The following RAD51 variants were observed in gnomAD, a reference collection of about 807,000 sequenced individuals.
RAD51 encodes DNA repair protein RAD51 homolog 1.
A neutral mutation model predicts 41.5 loss-of-function variants in RAD51; 14 were observed. That is an observed-to-expected ratio of 0.34 (90% CI 0.22 to 0.53). RAD51 has a LOEUF of 0.53. RAD51 is among the 20% of genes least tolerant of loss of function. The pLI is 0.95. For synonymous variants in RAD51, 136 were observed against 148.6 expected (o/e 0.92, Z 0.62); for missense variants, 234 against 422.0 (o/e 0.55, Z 3.90).
At chr15:40,728,863 A>G (rs569512886) in intron 7 of RAD51, 39 bp downstream of exon 7, 5 of 1,523,576 alleles carry the variant, frequency 3.3e-6, no homozygotes, top group Non-Finnish European at 4.6e-6. Flanking sequence ...TGTTCTTAAG[A>G]GTCCTTCCCT....
chr15:40,694,989 A>C (rs1894514878), upstream of RAD51: 1 of 152,288 alleles, frequency 6.6e-6, no homozygotes, highest in Non-Finnish European at 1.5e-5. Flanking sequence ...CGCCCCCGGC[A>C]TAAAGTTTGA....
At chr15:40,730,647 G>A (rs1006719490) in intron 9 of RAD51, among the ~76,000 whole-genome samples, 3 of 144,764 alleles carry the variant, frequency 2.1e-5, no homozygotes, top group South Asian at 2.3e-4. Flanking sequence ...TCAGCCTCCC[G>A]AATAGCTGGG....
intron 9 of RAD51, 116 bp downstream of exon 9, chr15:40,730,090 G>A (rs1896791164): frequency 1.4e-6 from 2 of 1,395,864 alleles, no homozygotes; most frequent in South Asian, 2.4e-5. Context: ...TAGACACTTA[G>A]GAACTCTTGC....
chr15:40,707,801 A>G (rs897534244), intron 4 of RAD51, among the ~76,000 whole-genome samples: 1 of 151,502 alleles, frequency 6.6e-6, no homozygotes, highest in Non-Finnish European at 1.5e-5. Flanking sequence ...CATTGCAACC[A>G]CTGACTCCCA....
intron 5 of RAD51, among the ~76,000 whole-genome samples, chr15:40,712,877 C>CTTT (rs398039433): frequency 0.12 from 11,958 of 103,700 alleles, 1,214 homozygotes; most frequent in African/African-American, 0.23. Context: ...CTTTTCTTTT[C>CTTT]TTTTTTTTTT....
At chr15:40,707,676 G>A (rs979588989) in intron 4 of RAD51, among the ~76,000 whole-genome samples, 2 of 152,056 alleles carry the variant, frequency 1.3e-5, no homozygotes, top group African/African-American at 4.8e-5. Context: ...CAGAAGGCTA[G>A]GTGCATAGAA....
At chr15:40,695,835 A>G (rs1327266034) in intron 1 of RAD51, 2 of 152,176 alleles carry the variant, frequency 1.3e-5, no homozygotes, top group African/African-American at 2.4e-5. Flanking sequence ...AAAACCATTC[A>G]CATGATGCCT....
At chr15:40,722,299 G>A (rs563813947) in intron 6 of RAD51, among the ~76,000 whole-genome samples, 16 of 152,100 alleles carry the variant, frequency 1.1e-4, no homozygotes, top group African/African-American at 3.9e-4. Flanking sequence ...TGTAATCCCA[G>A]CTACTCTGGC....
chr15:40,726,219 T>C (rs919513607), intron 6 of RAD51, among the ~76,000 whole-genome samples: 4 of 151,026 alleles, frequency 2.6e-5, no homozygotes, highest in African/African-American at 7.3e-5. Flanking sequence ...TTGTAATTCA[T>C]TGAGTCTAGG....
At chr15:40,702,311 A>G (rs1206115535) in intron 3 of RAD51, among the ~76,000 whole-genome samples, 1 of 152,132 alleles carries the variant, frequency 6.6e-6, no homozygotes, top group Non-Finnish European at 1.5e-5. Flanking sequence ...TTGTGAATGA[A>G]CAAATGCTGA....
At chr15:40,725,510 G>A (rs45532539) in intron 6 of RAD51, among the ~76,000 whole-genome samples, 52 of 152,104 alleles carry the variant, frequency 3.4e-4, no homozygotes, top group African/African-American at 1.1e-3. Context: ...AATTTTTGCC[G>A]TGCCCTGTTG....
Position 40,705,418 on chromosome 15 carries a change from T to C in RAD51, c.226-759T>C, listed in dbSNP as rs148610303. 3.1e-3 allele frequency among the ~76,000 whole-genome samples: 474 copies of C among 152,192 alleles called. 2 individuals are homozygous for C. Among genetic ancestry groups the C allele is most frequent in the African/African-American group, 0.011 (461 of 41,526 alleles). On this transcript the variant is annotated intron_variant, in intron 3 of 9. Transcript: ENST00000267868. ...AATATGAAAGAAAAGGTACAGCTGA[T>C]AGAGGTGGGGAAGTAGCCATGGAGA...
chr15:40,724,408 T>C (rs1896439164), intron 6 of RAD51, among the ~76,000 whole-genome samples: 1 of 152,152 alleles, frequency 6.6e-6, no homozygotes, highest in Non-Finnish European at 1.5e-5. Context: ...ATATAGGCTA[T>C]GAGGACAAGA....
At chr15:40,712,872 C>CTTTTTTTTT (rs1895775274) in intron 5 of RAD51, among the ~76,000 whole-genome samples, 1 of 89,362 alleles carries the variant, frequency 1.1e-5, no homozygotes, top group African/African-American at 4.3e-5. Context: ...TTTTTCTTTT[C>CTTTTTTTTT]TTTTCTTTTT....
intron 2 of RAD51, 105 bp downstream of exon 2, chr15:40,698,950 A>G: frequency 8.6e-7 from 1 of 1,156,382 alleles, no homozygotes. Flanking sequence ...CAAGGTCAAG[A>G]CCCAAATTAG....
At chr15:40,704,637 G>A (rs1394003527) in intron 3 of RAD51, among the ~76,000 whole-genome samples, 1 of 149,870 alleles carries the variant, frequency 6.7e-6, no homozygotes, top group African/African-American at 2.5e-5. Flanking sequence ...TGGGATTCAG[G>A]CATGAGCCAC....
chr15:40,701,540 G>C (rs559100729), intron 3 of RAD51, among the ~76,000 whole-genome samples: 45 of 151,340 alleles, frequency 3.0e-4, no homozygotes, highest in Admixed American at 2.7e-3. Flanking sequence ...CCACCATGCC[G>C]GGGTAGTCTC....
At chr15:40,695,498 C>T (rs539198879) in intron 1 of RAD51, 73 bp downstream of exon 1, 8 of 152,464 alleles carry the variant, frequency 5.2e-5, no homozygotes, top group Admixed American at 2.6e-4. Context: ...CCTGGCCGGT[C>T]CAGTGCTCAG....
intron 9 of RAD51, among the ~76,000 whole-genome samples, chr15:40,730,610 C>G (rs915720600): frequency 8.9e-5 from 13 of 146,442 alleles, no homozygotes; most frequent in Admixed American, 4.2e-4. Context: ...CAAGCTCCGC[C>G]TCCCGGGTTC....
Sources: gnomAD v4.1 joint callset for allele counts (sites outside exome capture counted in the v4.1 genomes callset) on GRCh38, gnomAD v4.1.1 for gene constraint, MANE v1.5 for transcripts, NCBI Gene and HGNC (gene_info 2026-07-23, HGNC 2026-07-21) for gene names.